The following GRIN2A variants were observed in gnomAD, a reference collection of about 807,000 sequenced individuals.
GRIN2A encodes glutamate ionotropic receptor NMDA type subunit 2A, also known as glutamate receptor ionotropic, NMDA 2A.
In GRIN2A, 22 loss-of-function variants were observed where a neutral mutation model predicts 113.4. The observed-to-expected ratio is 0.19, with a 90% confidence interval of 0.14 to 0.28. The LOEUF is 0.28. Among genes scored for constraint, GRIN2A ranks in the 10% least tolerant of loss-of-function variants. The pLI is 1.00. For missense variants in GRIN2A, 1,502 were observed against 1,887.0 expected (o/e 0.80, Z 3.78); for synonymous variants, 827 against 738.4 (o/e 1.12, Z -1.94).
chr16:9,975,378 C>G (rs1238206856), intron 2 of GRIN2A, among the ~76,000 whole-genome samples: 1 of 152,154 alleles, frequency 6.6e-6, no homozygotes, highest in Admixed American at 6.5e-5. Flanking sequence ...GAACTTTCTC[C>G]AGCTGGAGTC....
chr16:9,867,782 T>G (rs912261592), intron 4 of GRIN2A, among the ~76,000 whole-genome samples: 4 of 152,136 alleles, frequency 2.6e-5, no homozygotes, highest in Non-Finnish European at 4.4e-5. Flanking sequence ...TGAACACATC[T>G]GACTTGTCTT....
chr16:9,860,019 G>T (rs183358110), intron 4 of GRIN2A, among the ~76,000 whole-genome samples: 1 of 151,806 alleles, frequency 6.6e-6, no homozygotes, highest in Non-Finnish European at 1.5e-5. Flanking sequence ...TTCCAGTCTC[G>T]GTGGAGAGAA....
At chr16:10,067,378 C>T (rs1444491859) in intron 2 of GRIN2A, among the ~76,000 whole-genome samples, 2 of 150,852 alleles carry the variant, frequency 1.3e-5, no homozygotes, top group African/African-American at 2.5e-5. Context: ...CGTAAACATA[C>T]TGGTTTATCT....
intron 11 of GRIN2A, among the ~76,000 whole-genome samples, chr16:9,787,746 T>A (rs1567296820): frequency 6.6e-6 from 1 of 152,262 alleles, no homozygotes; most frequent in African/African-American, 2.4e-5. Context: ...GCTGTTGAAC[T>A]ACTTCCATGT....
chr16:10,108,793 G>A (rs4782255), intron 2 of GRIN2A, among the ~76,000 whole-genome samples: 100,558 of 151,972 alleles, frequency 0.66, 34,373 homozygotes, highest in Admixed American at 0.75. Context: ...CTATTCTGCA[G>A]TATCTGCAAG....
intron 2 of GRIN2A, among the ~76,000 whole-genome samples, chr16:9,998,424 C>G (rs889027565): frequency 3.3e-5 from 5 of 152,192 alleles, no homozygotes; most frequent in African/African-American, 1.2e-4. Context: ...TTAATAGATA[C>G]AGAATTTTCA....
Position 9,756,666 on chromosome 16 carries a change from A to G in GRIN2A, c.*6483T>C, listed in dbSNP as rs1040636991. 1.6e-5 allele frequency: 3 copies of G among 191,230 alleles called. No homozygotes were observed. The highest frequency in any genetic ancestry group is 7.0e-5 in the African/African-American group (3 of 42,994). The allele number at this position is 191,230 out of a possible 1,614,324, so 11.8% of individuals were successfully genotyped here. A position where few individuals can be genotyped will look rare whatever the true frequency, so the allele number is the denominator to read the frequency against. On this transcript the variant is annotated 3_prime_UTR_variant, in exon 13 of 13. Transcript: ENST00000330684. The stretch of plus-strand genomic sequence containing the variant: ...ATATTTATATCTTAAGGTTGTTTTG[A>G]GGATCACATTCTAGGATATGCCTAG...
chr16:9,999,173 C>T (rs1055201109), intron 2 of GRIN2A, among the ~76,000 whole-genome samples: 1 of 152,178 alleles, frequency 6.6e-6, no homozygotes, highest in African/African-American at 2.4e-5. Flanking sequence ...GAGTTTCCAG[C>T]TATATTAGAG....
At chr16:9,859,031 A>T (rs1448176786) in intron 4 of GRIN2A, among the ~76,000 whole-genome samples, 1 of 152,146 alleles carries the variant, frequency 6.6e-6, no homozygotes, top group Non-Finnish European at 1.5e-5. Flanking sequence ...AAAATTATAG[A>T]TCTACTCCAT....
chr16:10,058,838 A>G (rs2047500527), intron 2 of GRIN2A, among the ~76,000 whole-genome samples: 1 of 152,240 alleles, frequency 6.6e-6, no homozygotes. Flanking sequence ...AAAAAGACAG[A>G]TGTGGTGTCT....
intron 2 of GRIN2A, among the ~76,000 whole-genome samples, chr16:10,053,006 C>T (rs1189312623): frequency 1.3e-5 from 2 of 150,354 alleles, no homozygotes; most frequent in African/African-American, 4.9e-5. Flanking sequence ...AGAGATCACG[C>T]CATTGCACTC....
intron 4 of GRIN2A, among the ~76,000 whole-genome samples, chr16:9,863,765 A>G (rs769690049): frequency 2.6e-5 from 4 of 152,192 alleles, no homozygotes; most frequent in African/African-American, 4.8e-5. Context: ...TTCATTCTGT[A>G]TCATGTTATA....
chr16:10,099,240 T>A (rs71379069), intron 2 of GRIN2A, among the ~76,000 whole-genome samples: 13,375 of 152,230 alleles, frequency 0.088, 620 homozygotes, highest in Middle Eastern at 0.11. Context: ...TGACTCCCCA[T>A]GTTCAGCATA....
At chr16:10,174,188 G>C (rs2050100023) in intron 2 of GRIN2A, among the ~76,000 whole-genome samples, 1 of 152,148 alleles carries the variant, frequency 6.6e-6, no homozygotes, top group South Asian at 2.1e-4. Flanking sequence ...GCTAGCTGTG[G>C]ATGGTGCTGG....
At chr16:10,056,256 T>A (rs2047455123) in intron 2 of GRIN2A, among the ~76,000 whole-genome samples, 1 of 152,190 alleles carries the variant, frequency 6.6e-6, no homozygotes, top group South Asian at 2.1e-4. Flanking sequence ...CAACCATTCA[T>A]CCCTCCACCC....
intron 11 of GRIN2A, among the ~76,000 whole-genome samples, chr16:9,776,965 C>G (rs1901641111): frequency 6.6e-6 from 1 of 152,166 alleles, no homozygotes; most frequent in Admixed American, 6.5e-5. Flanking sequence ...GGGCCAAATC[C>G]TCTCCTTGCC....
chr16:10,012,350 G>T (rs2046522192), intron 2 of GRIN2A, among the ~76,000 whole-genome samples: 1 of 152,142 alleles, frequency 6.6e-6, no homozygotes, highest in African/African-American at 2.4e-5. Context: ...CCCCTCAAAG[G>T]GTTGTATTAA....
intron 2 of GRIN2A, among the ~76,000 whole-genome samples, chr16:10,084,265 A>G (rs2048042162): frequency 6.6e-6 from 1 of 152,216 alleles, no homozygotes; most frequent in Admixed American, 6.5e-5. Context: ...AGCCCCTTGA[A>G]TACAAAACAG....
intron 2 of GRIN2A, among the ~76,000 whole-genome samples, chr16:10,037,598 C>T (rs2047059745): frequency 6.6e-6 from 1 of 152,136 alleles, no homozygotes; most frequent in South Asian, 2.1e-4. Flanking sequence ...CTCCATCTGA[C>T]AGCTTCTCTA....
Sources: gnomAD v4.1 joint callset for allele counts (sites outside exome capture counted in the v4.1 genomes callset) on GRCh38, gnomAD v4.1.1 for gene constraint, MANE v1.5 for transcripts, NCBI Gene and HGNC (gene_info 2026-07-23, HGNC 2026-07-21) for gene names.